The following ZIM3 variants were observed in gnomAD, a reference collection of about 807,000 sequenced individuals.
ZIM3 encodes the protein zinc finger protein 657.
ZIM3 carries 11 observed loss-of-function variants against 12.9 expected under a neutral mutation model. The ratio of observed to expected loss-of-function variants is 0.85; its 90% CI spans 0.54 to 1.41. ZIM3 has a LOEUF of 1.41. Among genes scored for constraint, ZIM3 ranks in the 40% most tolerant of loss-of-function variants. The probability of loss-of-function intolerance (pLI) is 0.00; values close to 1 mark genes in which losing one functional copy is unlikely to be tolerated. For missense variants in ZIM3, 604 were observed against 557.2 expected, an observed-to-expected ratio of 1.08 and a Z score of -0.85; for synonymous variants, 205 against 198.5, an observed-to-expected ratio of 1.03 and a Z score of -0.28.
chr19:57,138,602 TAAC>T lies in ZIM3; in HGVS notation c.16-7_16-5del, dbSNP rs1240322555. The T allele has an allele frequency of 6.2e-7, 1 of 1,614,114 alleles. No homozygotes were observed. Among genetic ancestry groups the T allele is most frequent in the Non-Finnish European group, 8.5e-7 (1 of 1,179,966 alleles). On this transcript the variant is annotated splice_region_variant and splice_polypyrimidine_tract_variant and intron_variant, in intron 2 of 4. Transcript: ENST00000269834. The stretch of plus-strand genomic sequence containing the variant: ...CATCCTCGAAGGTCACTCTTCCCTG[TAAC>T]AACAGATTCCCGATCAGTATAAAAA...
intron 2 of ZIM3, among the ~76,000 whole-genome samples, chr19:57,141,197 C>T (rs1416542409): frequency 6.6e-6 from 1 of 151,872 alleles, no homozygotes; most frequent in Admixed American, 6.6e-5. Flanking sequence ...GAGTTCGAGA[C>T]CAGCCCGACC....
At chr19:57,140,561 A>G (rs967053244) in intron 2 of ZIM3, among the ~76,000 whole-genome samples, 1 of 151,588 alleles carries the variant, frequency 6.6e-6, no homozygotes, top group Non-Finnish European at 1.5e-5. Context: ...TGCAGCCTCA[A>G]CCTCCCAGGA....
intron 3 of ZIM3, 143 bp downstream of exon 3, chr19:57,138,329 T>C (rs1011876931): frequency 6.6e-6 from 8 of 1,215,802 alleles, no homozygotes; most frequent in Non-Finnish European, 9.4e-6. Context: ...TACACTTCAC[T>C]TGCCTCACCC....
intron 1 of ZIM3, among the ~76,000 whole-genome samples, chr19:57,143,199 C>T (rs12611304): frequency 0.084 from 12,801 of 151,842 alleles, 1,054 homozygotes; most frequent in East Asian, 0.39. Context: ...GGCGTGGTGG[C>T]GGGCGCCTGT....
rs752402563 is a variant in ZIM3, at chr19:57,138,508, C to T, written c.106G>A (p.Val36Met). 2 of 1,614,198 alleles carry T rather than the reference C, an allele frequency of 1.2e-6. No individual in the cohort carries two copies. Among genetic ancestry groups the T allele is most frequent in the Non-Finnish European group, 1.7e-6 (2 of 1,180,030 alleles). Residue 36 changes from valine to methionine, a missense_variant, in exon 3 of 5, where the codon GTG becomes ATG. Coordinates refer to ENST00000269834, the MANE Select transcript of ZIM3 (RefSeq NM_052882.1). ...NPEQRNLYRD[V>M]MLENYSNLVS... ...AGGTTGCTGTAATTCTCCAGCATCA[C>T]ATCCCTGTACAAGTTTCTCTGTTCG...
At chr19:57,138,787 A>T (rs943791245) in intron 2 of ZIM3, among the ~76,000 whole-genome samples, 189 bp from the exon 3 acceptor site, 9 of 152,160 alleles carry the variant, frequency 5.9e-5, no homozygotes, top group Admixed American at 1.3e-4. Context: ...TGACACTGCC[A>T]TCTTTCTCCA....
rs557421274 is a variant in ZIM3 at position 57,135,796 on chromosome 19, G to A, written c.541C>T (p.Arg181Cys). Reference sequence around the variant, plus strand: ...TGCCTCCTCAGGTGACTTTGAAGGCGTGACTTTGAACTGAATAACTTTCTA... The same window carrying A: ...TGCCTCCTCAGGTGACTTTGAAGGCATGACTTTGAACTGAATAACTTTCTA... Reference protein sequence around the residue: ...ACRKLFSSKSRLQSHLRRHAC... With the variant: ...ACRKLFSSKSCLQSHLRRHAC... Residue 181 changes from arginine to cysteine, a missense_variant, in exon 5 of 5, where the codon CGC (arginine) becomes TGC (cysteine). By Grantham distance (180) the Arg-to-Cys change is radical. Coordinates refer to ENST00000269834, the MANE Select transcript of ZIM3 (RefSeq NM_052882.1). 51 of 1,614,076 alleles carry A rather than the reference G, an allele frequency of 3.2e-5. 1 individual carries two copies. The highest frequency in any genetic ancestry group is 3.3e-4 in the Middle Eastern group (2 of 6,062).
chr19:57,140,613 T>A (rs1388422305), intron 2 of ZIM3, among the ~76,000 whole-genome samples: 2 of 152,144 alleles, frequency 1.3e-5, no homozygotes, highest in Non-Finnish European at 2.9e-5. Context: ...TAGCTGGGAC[T>A]ACAGGCATGC....
In ZIM3 at chr19:57,143,945, G is replaced by T. The variant is rs10451457; in HGVS notation, c.-43+914C>A. 1.4e-3 allele frequency among the ~76,000 whole-genome samples: 213 copies of T among 152,188 alleles called. 2 individuals are homozygous for T. Among genetic ancestry groups the T allele is most frequent in the African/African-American group, 4.7e-3 (194 of 41,518 alleles). Reference sequence around the variant, plus strand: ...CCGGCCTCAGCCTCCCAAAGTGCTGGGATTATAGGCGTGAACCACCACATC... The same window carrying T: ...CCGGCCTCAGCCTCCCAAAGTGCTGTGATTATAGGCGTGAACCACCACATC... On this transcript the variant is annotated intron_variant, in intron 1 of 4. Transcript: ENST00000269834.
rs763156922 is a variant in ZIM3, at chr19:57,138,054, AGAAGGAAG to A, written c.142+410_142+417del. Among the ~76,000 whole-genome samples the A allele has an allele frequency of 3.7e-4, 17 of 45,738 alleles. 1 individual carries two copies. Among genetic ancestry groups the A allele is most frequent in the Admixed American group, 7.1e-4 (3 of 4,226 alleles). The allele number at this position is 45,738 out of a possible 152,430, so 30.0% of individuals were successfully genotyped here. A position where few individuals can be genotyped will look rare whatever the true frequency, so the allele number is the denominator to read the frequency against. ...AGGAAAGAAGGAAGGAAGGAAGGAAAGAAGGAAGGAAGGAAGGAAGGAAAGAAGGGAGG... is the reference window on the plus strand; with the variant it reads ...AGGAAAGAAGGAAGGAAGGAAGGAAAGAAGGAAGGAAGGAAAGAAGGGAGG... On this transcript the variant is annotated intron_variant, in intron 3 of 4. Coordinates refer to ENST00000269834, the MANE Select transcript of ZIM3 (RefSeq NM_052882.1).
At chr19:57,141,605 T>G (rs2086914324) in intron 2 of ZIM3, among the ~76,000 whole-genome samples, 1 of 151,902 alleles carries the variant, frequency 6.6e-6, no homozygotes, top group Admixed American at 6.6e-5. Context: ...GAAAAGACCT[T>G]CAGATCTCTC....
chr19:57,140,634 T>C (rs1444218978), intron 2 of ZIM3, among the ~76,000 whole-genome samples: 2 of 152,038 alleles, frequency 1.3e-5, no homozygotes, highest in African/African-American at 2.4e-5. Context: ...ACCACCATGC[T>C]AAGCTCATTT....
chr19:57,139,818 G>A (rs1056153331), intron 2 of ZIM3, among the ~76,000 whole-genome samples: 2 of 152,012 alleles, frequency 1.3e-5, no homozygotes, highest in African/African-American at 4.8e-5. Flanking sequence ...TTCCACAGTC[G>A]ACATTCAGAC....
intron 3 of ZIM3, among the ~76,000 whole-genome samples, chr19:57,137,968 AAAG>A (rs2086895896): frequency 5.8e-5 from 4 of 68,380 alleles, no homozygotes; most frequent in African/African-American, 2.2e-4. Context: ...GGAAGGAAGG[AAAG>A]AAGGAAGGAA....
intron 2 of ZIM3, among the ~76,000 whole-genome samples, chr19:57,142,206 C>T (rs2086916850): frequency 6.9e-6 from 1 of 144,276 alleles, no homozygotes; most frequent in South Asian, 2.2e-4. Flanking sequence ...TGCAGTGGCA[C>T]AATCATGGCT....
chr19:57,136,344 T>C (rs1414520763), intron 4 of ZIM3, among the ~76,000 whole-genome samples: 1 of 151,970 alleles, frequency 6.6e-6, no homozygotes, highest in Non-Finnish European at 1.5e-5. Context: ...AGCCTAGGGA[T>C]ACCAGGGAGA....
At position 57,135,008 on chromosome 19, in the gene ZIM3, T is replaced by G; in HGVS notation, c.1329A>C (p.Gly443=). 1 of 1,614,184 alleles carries G rather than the reference T, an allele frequency of 6.2e-7. No individual in the cohort carries two copies. The highest frequency in any genetic ancestry group is 8.5e-7 in the Non-Finnish European group (1 of 1,180,016). Residue 443 remains glycine (G), a synonymous_variant, in exon 5 of 5, where the codon GGA becomes GGC. Transcript: ENST00000269834. ...ATTCAGAACATCCATAAGGTTTTTG[T>G]CCAGTATGGGTTTTTTTATGCAAAC... is the stretch of plus-strand genomic sequence containing the variant. ...NLSLHKKTHT[G]QKPYGCSECG...
chr19:57,140,372 C>T (rs1301937839), intron 2 of ZIM3, among the ~76,000 whole-genome samples: 2 of 152,034 alleles, frequency 1.3e-5, no homozygotes, highest in African/African-American at 4.8e-5. Flanking sequence ...AGACGGGTTT[C>T]ACCATGTTGG....
intron 3 of ZIM3, among the ~76,000 whole-genome samples, chr19:57,137,713 A>G (rs2086892883): frequency 7.2e-6 from 1 of 138,164 alleles, no homozygotes; most frequent in South Asian, 2.2e-4. Flanking sequence ...ACTGTCTCCA[A>G]AAAAAAAAAA....
Sources: allele counts gnomAD v4.1 joint callset (sites outside exome capture counted in the v4.1 genomes callset), GRCh38; gene constraint gnomAD v4.1.1; transcripts MANE v1.5; gene names NCBI Gene and HGNC (gene_info 2026-07-23, HGNC 2026-07-21).